Variants in PIGF observed in about 807,000 individuals in gnomAD.
PIGF encodes phosphatidylinositol glycan anchor biosynthesis class F, also known as GPI ethanolamine phosphate transferase, stabilizing subunit.
PIGF carries 23 observed loss-of-function variants against 26.0 expected under a neutral mutation model. That is an observed-to-expected ratio of 0.88 (90% CI 0.64 to 1.25). The LOEUF is 1.25. Among genes scored for constraint, PIGF ranks in the 50% most tolerant of loss-of-function variants. The probability of loss-of-function intolerance (pLI) is 0.00; values close to 1 mark genes in which losing one functional copy is unlikely to be tolerated. For missense variants in PIGF, 278 were observed against 249.9 expected, an observed-to-expected ratio of 1.11 and a Z score of -0.76; for synonymous variants, 93 against 92.6, an observed-to-expected ratio of 1.00 and a Z score of -0.03.
At chr2:46,601,513 G>C (rs1426750670) in intron 4 of PIGF, among the ~76,000 whole-genome samples, 1 of 151,956 alleles carries the variant, frequency 6.6e-6, no homozygotes, top group Non-Finnish European at 1.5e-5. Context: ...TTAATTTTTT[G>C]AACTGCTAGT....
At chr2:46,592,285 G>C (rs1450295207) in intron 5 of PIGF, among the ~76,000 whole-genome samples, 190 bp downstream of exon 5, 2 of 152,008 alleles carry the variant, frequency 1.3e-5, no homozygotes, top group Non-Finnish European at 2.9e-5. Context: ...ATAAAACCAG[G>C]GCTACCTAGA....
Position 46,616,946 on chromosome 2 carries a change from C to G in PIGF, c.-22+24G>C. 13 of 465,708 alleles carry G rather than the reference C, an allele frequency of 2.8e-5. No individual in the cohort carries two copies. In the South Asian group the frequency reaches 2.8e-4, roughly 10 times the overall value. The allele number at this position is 465,708 out of a possible 1,614,324, so 28.8% of individuals were successfully genotyped here. A position where few individuals can be genotyped will look rare whatever the true frequency, so the allele number is the denominator to read the frequency against. ...AGCTTGCACCTCGTGAGGCGAGACG[C>G]CGAGGGCGTCCAGCGGGGCTTACCT... is the stretch of plus-strand genomic sequence containing the variant. On this transcript the variant is annotated intron_variant, in intron 1 of 5. Transcript: ENST00000281382.
intron 4 of PIGF, among the ~76,000 whole-genome samples, chr2:46,610,295 C>T (rs1460247170): frequency 6.6e-6 from 1 of 152,124 alleles, no homozygotes; most frequent in African/African-American, 2.4e-5. Context: ...CCCCCAAATA[C>T]ACCCATTATT....
chr2:46,588,123 C>T lies in PIGF; in HGVS notation c.546+4352G>A. The T allele has an allele frequency of 1.2e-6, 2 of 1,610,852 alleles. No homozygotes were observed. Among genetic ancestry groups the T allele is most frequent in the Middle Eastern group, 1.7e-4 (1 of 6,054 alleles). ...AAGTTACTCATTTCACAGTACCAAG[C>T]CCCCTGCAGGGTACATGGAGAGATC... On this transcript the variant is annotated intron_variant, in intron 5 of 5. Transcript: ENST00000281382. The surrounding 1 kb of genome is among the most constrained non-coding windows in gnomAD (Gnocchi z 4.1).
chr2:46,614,044 G>A (rs1670523580), intron 2 of PIGF: 1 of 341,586 alleles, frequency 2.9e-6, no homozygotes, highest in South Asian at 4.2e-5. Context: ...AAGAGGTTCT[G>A]TTTCCATGGT....
At chr2:46,610,890 T>G (rs535343909) in intron 4 of PIGF, among the ~76,000 whole-genome samples, 1 of 152,358 alleles carries the variant, frequency 6.6e-6, no homozygotes, top group East Asian at 1.9e-4. Context: ...CTACTCAGCA[T>G]GCATCTTTTG....
At chr2:46,609,693 G>A (rs1301369478) in intron 4 of PIGF, among the ~76,000 whole-genome samples, 1 of 152,052 alleles carries the variant, frequency 6.6e-6, no homozygotes, top group Non-Finnish European at 1.5e-5. Context: ...ACAGGGACGG[G>A]AGAGAGAGGG....
At chr2:46,587,255 C>G (rs533638279) in intron 5 of PIGF, among the ~76,000 whole-genome samples, 1 of 152,262 alleles carries the variant, frequency 6.6e-6, no homozygotes, top group African/African-American at 2.4e-5. Context: ...AAACCTGCAG[C>G]TCTTCAATCA....
chr2:46,615,470 A>G, intron 1 of PIGF: 1 of 225,226 alleles, frequency 4.4e-6, no homozygotes, highest in Non-Finnish European at 9.0e-6. Flanking sequence ...ATGTCCTAGG[A>G]CCAATAAAGC....
chr2:46,592,942 C>A (rs940017244), intron 4 of PIGF, among the ~76,000 whole-genome samples: 1 of 152,158 alleles, frequency 6.6e-6, no homozygotes, highest in African/African-American at 2.4e-5. Context: ...TATACAGGCA[C>A]AAATACACAC....
intron 4 of PIGF, among the ~76,000 whole-genome samples, chr2:46,602,312 T>C (rs1670085031): frequency 6.6e-6 from 1 of 151,986 alleles, no homozygotes; most frequent in African/African-American, 2.4e-5. Context: ...ACTTGTAGGA[T>C]GTAGTTCCTA....
intron 4 of PIGF, among the ~76,000 whole-genome samples, chr2:46,598,643 T>C (rs1487959805): frequency 6.7e-6 from 1 of 150,178 alleles, no homozygotes; most frequent in Non-Finnish European, 1.5e-5. Context: ...AGCCCAAAGA[T>C]TGGACACTCC....
chr2:46,599,309 T>G (rs1376323315), intron 4 of PIGF, among the ~76,000 whole-genome samples: 2 of 152,242 alleles, frequency 1.3e-5, no homozygotes, highest in Non-Finnish European at 2.9e-5. Context: ...ATTATTTTCT[T>G]GATATAGTGA....
intron 4 of PIGF, among the ~76,000 whole-genome samples, chr2:46,595,152 T>C (rs1452348926): frequency 6.6e-6 from 1 of 152,194 alleles, no homozygotes; most frequent in East Asian, 1.9e-4. Flanking sequence ...TAATTTCAAG[T>C]ATACAAATCA....
chr2:46,597,266 G>T (rs758867166), intron 4 of PIGF, among the ~76,000 whole-genome samples: 4 of 152,046 alleles, frequency 2.6e-5, no homozygotes, highest in Non-Finnish European at 5.9e-5. Context: ...AGATTCCTGA[G>T]AAAGGAATTT....
chr2:46,599,255 G>C (rs142599592), intron 4 of PIGF, among the ~76,000 whole-genome samples: 1 of 152,140 alleles, frequency 6.6e-6, no homozygotes, highest in Non-Finnish European at 1.5e-5. Context: ...TCCATTGCTT[G>C]TATTAGTTTT....
chr2:46,610,683 C>A (rs900848736), intron 4 of PIGF, among the ~76,000 whole-genome samples: 1 of 152,024 alleles, frequency 6.6e-6, no homozygotes, highest in Admixed American at 6.5e-5. Context: ...GCACCCGCCA[C>A]CACACCCAGC....
chr2:46,606,632 G>T (rs1017494588), intron 4 of PIGF, among the ~76,000 whole-genome samples: 2 of 152,180 alleles, frequency 1.3e-5, no homozygotes, highest in African/African-American at 4.8e-5. Context: ...GGTCGAAGAA[G>T]TATATTTGTA....
chr2:46,605,151 A>T (rs1212038165), intron 4 of PIGF, among the ~76,000 whole-genome samples: 2 of 152,084 alleles, frequency 1.3e-5, no homozygotes, highest in South Asian at 4.1e-4. Flanking sequence ...TTTTTGCTTA[A>T]AAGTGAACAT....
Sources: gnomAD v4.1 joint callset for allele counts (sites outside exome capture counted in the v4.1 genomes callset) on GRCh38, gnomAD v4.1.1 for gene constraint, Gnocchi (gnomAD v3.1) non-coding constraint, MANE v1.5 for transcripts, NCBI Gene and HGNC (gene_info 2026-07-23, HGNC 2026-07-21) for gene names.